Variants in ARSB observed in about 807,000 individuals in gnomAD.
ARSB encodes the protein N-acetylgalactosamine-4-sulfatase.
Under a neutral mutation model 50.9 loss-of-function variants are expected in ARSB, and 41 were observed. The observed-to-expected ratio is 0.81, with a 90% CI of 0.63 to 1.04. ARSB has a LOEUF of 1.04. Among genes scored for constraint, ARSB ranks in the 50% least tolerant of loss-of-function variants. The pLI is 0.00. For synonymous variants in ARSB, 269 were observed against 284.8 expected, an observed-to-expected ratio of 0.94 and a Z score of 0.56; for missense variants, 672 against 693.3, an observed-to-expected ratio of 0.97 and a Z score of 0.35.
chr5:78,885,904 T>C lies in ARSB; in HGVS notation c.899-77A>G, dbSNP rs1252657215. 7 of 1,605,126 alleles carry C rather than the reference T, an allele frequency of 4.4e-6. No homozygotes were observed. In the East Asian group the frequency reaches 1.6e-4, roughly 36 times the overall value. On this transcript the variant is annotated intron_variant, in intron 4 of 7. Coordinates refer to ENST00000264914, the MANE Select transcript of ARSB (RefSeq NM_000046.5). ...TTTAAGAACAGAGACTGTATGTACA[T>C]TGTTACTAAATGGTGCTTAAATAAT...
At chr5:78,958,328 G>A (rs1751827230) in intron 3 of ARSB, among the ~76,000 whole-genome samples, 1 of 152,114 alleles carries the variant, frequency 6.6e-6, no homozygotes, top group Admixed American at 6.6e-5. Flanking sequence ...CAACCACCTG[G>A]CGAAGGAGAG....
chr5:78,854,003 T>G (rs1170432650), intron 5 of ARSB, among the ~76,000 whole-genome samples: 3 of 152,390 alleles, frequency 2.0e-5, no homozygotes, highest in Admixed American at 1.3e-4. Context: ...CCTGACCCCT[T>G]GCACTTCCCG....
chr5:78,843,065 G>A (rs552829603), intron 5 of ARSB, among the ~76,000 whole-genome samples: 45 of 152,242 alleles, frequency 3.0e-4, no homozygotes, highest in Admixed American at 1.2e-3. Flanking sequence ...GATCACTGGC[G>A]GTGGAACCCA....
chr5:78,895,048 C>A (rs1748500908), intron 4 of ARSB, among the ~76,000 whole-genome samples: 1 of 152,176 alleles, frequency 6.6e-6, no homozygotes, highest in South Asian at 2.1e-4. Flanking sequence ...ACCAACCAAA[C>A]AAACAAACAA....
intron 5 of ARSB, among the ~76,000 whole-genome samples, chr5:78,848,281 T>C (rs55638484): frequency 0.098 from 10,623 of 108,490 alleles, 625 homozygotes; most frequent in Middle Eastern, 0.16. Context: ...TGAGTTCTCA[T>C]TGTTCAATTC....
chr5:78,930,494 T>C (rs1165179686), intron 4 of ARSB, among the ~76,000 whole-genome samples: 11 of 152,174 alleles, frequency 7.2e-5, no homozygotes, highest in African/African-American at 2.7e-4. Context: ...GAGAGGCTGA[T>C]TAGATATGGC....
chr5:78,921,723 G>T (rs1488415190), intron 4 of ARSB, among the ~76,000 whole-genome samples: 1 of 152,072 alleles, frequency 6.6e-6, no homozygotes, highest in African/African-American at 2.4e-5. Flanking sequence ...AATAACCAAT[G>T]GGTTAAAGAA....
At chr5:78,890,396 G>A (rs1317486721) in intron 4 of ARSB, among the ~76,000 whole-genome samples, 3 of 151,824 alleles carry the variant, frequency 2.0e-5, no homozygotes, top group Admixed American at 6.6e-5. Flanking sequence ...GACTACAAGT[G>A]TGTGCCACCA....
At chr5:78,913,342 TCTCGATCTCCTGAC>T in intron 4 of ARSB, among the ~76,000 whole-genome samples, 1 of 152,226 alleles carries the variant, frequency 6.6e-6, no homozygotes, top group South Asian at 2.1e-4. Context: ...GCCAGGATGG[TCTCGATCTCCTGAC>T]CTCGTGATCC....
intron 1 of ARSB, among the ~76,000 whole-genome samples, chr5:78,974,833 T>C (rs1483044738): frequency 6.6e-6 from 1 of 152,240 alleles, no homozygotes; most frequent in Non-Finnish European, 1.5e-5. Context: ...GAAGGACACC[T>C]GGCTTTAGCA....
chr5:78,969,013 G>C lies in ARSB; in HGVS notation c.492C>G (p.Thr164=). 3.7e-6 allele frequency: 6 copies of C among 1,614,136 alleles called. No homozygotes were observed. The highest frequency in any genetic ancestry group is 5.1e-6 in the Non-Finnish European group (6 of 1,180,010). ...CATGTGCATTTCCATTACCAAAGTA[G>C]GTATCAAATCCTCGGCGGGTTGGAA... ...ECLPTRRGFD[T]YFGYLLGSED... is the part of the protein sequence containing the mutation. The change falls in exon 2 of 8, where the codon ACC becomes ACG. Residue 164 remains threonine (T), a synonymous_variant. Coordinates refer to ENST00000264914, the MANE Select transcript of ARSB (RefSeq NM_000046.5).
chr5:78,920,572 G>A (rs557933960), intron 4 of ARSB, among the ~76,000 whole-genome samples: 9 of 152,202 alleles, frequency 5.9e-5, no homozygotes, highest in East Asian at 1.9e-4. Flanking sequence ...TACCTGCGGC[G>A]GGTTATCAGA....
Position 78,985,046 on chromosome 5 carries a change from C to T in ARSB, c.203G>A (p.Arg68His). ...NDVGFHGSRI[R>H]TPHLDALAAG... ...CGCCAGCGCGTCCAGGTGCGGCGTG[C>T]GGATGCGGGAGCCGTGGAAGCCGAC... The change falls in exon 1 of 8, where the codon CGC becomes CAC. Residue 68 changes from arginine (R) to histidine (H), a missense_variant. By Grantham distance (29) the Arg-to-His change is conservative (BLOSUM62 0). Coordinates refer to ENST00000264914, the MANE Select transcript of ARSB (RefSeq NM_000046.5). The T allele has an allele frequency of 2.6e-6, 4 of 1,540,902 alleles. No individual in the cohort carries two copies. Among genetic ancestry groups the T allele is most frequent in the South Asian group, 1.2e-5 (1 of 83,266 alleles).
chr5:78,983,076 T>C (rs1350145034), intron 1 of ARSB, among the ~76,000 whole-genome samples: 3 of 152,162 alleles, frequency 2.0e-5, no homozygotes, highest in African/African-American at 7.2e-5. Flanking sequence ...TGTTTTGAGA[T>C]GGAGTCTTGC....
chr5:78,791,799 GC>G (rs1749241990), intron 6 of ARSB, among the ~76,000 whole-genome samples: 3 of 152,270 alleles, frequency 2.0e-5, no homozygotes, highest in African/African-American at 7.2e-5. Context: ...CTGACTAGAA[GC>G]CCCACACTCT....
At chr5:78,904,682 T>C (rs1430815176) in intron 4 of ARSB, among the ~76,000 whole-genome samples, 1 of 130,768 alleles carries the variant, frequency 7.6e-6, no homozygotes, top group South Asian at 2.4e-4. Flanking sequence ...CTTTTCTTTC[T>C]TTCTTTTTTT....
At chr5:78,819,970 G>C (rs1197002958) in intron 6 of ARSB, among the ~76,000 whole-genome samples, 1 of 152,264 alleles carries the variant, frequency 6.6e-6, no homozygotes, top group Non-Finnish European at 1.5e-5. Flanking sequence ...ATGGCATTAA[G>C]AGGTGGGGCC....
At chr5:78,969,216 A>T (rs752418186) in intron 1 of ARSB, 24 bp from the exon 2 acceptor site, 3 of 1,612,592 alleles carry the variant, frequency 1.9e-6, no homozygotes, top group Non-Finnish European at 2.5e-6. Flanking sequence ...ACATAAAATT[A>T]TAGATTAATG....
chr5:78,864,989 C>A (rs1475229943), intron 5 of ARSB, among the ~76,000 whole-genome samples: 1 of 152,200 alleles, frequency 6.6e-6, no homozygotes, highest in Non-Finnish European at 1.5e-5. Context: ...AACCTCCCTC[C>A]TGGCTGCTTT....
Sources: allele counts gnomAD v4.1 joint callset (sites outside exome capture counted in the v4.1 genomes callset), GRCh38; gene constraint gnomAD v4.1.1; transcripts MANE v1.5; gene names NCBI Gene and HGNC (gene_info 2026-07-23, HGNC 2026-07-21).